EMCN: variants seen among roughly 807,000 people sequenced by gnomAD.
EMCN encodes the protein endomucin.
Under a neutral mutation model 38.4 loss-of-function variants are expected in EMCN, and 37 were observed. That is an observed-to-expected ratio of 0.96 (90% CI 0.74 to 1.27). The LOEUF (loss-of-function observed/expected upper bound fraction) is 1.27, where lower values mean the gene tolerates loss of function less well. Among genes scored for constraint, EMCN ranks in the 50% most tolerant of loss-of-function variants. The pLI is 0.00. For synonymous variants in EMCN, 95 were observed against 100.8 expected, an observed-to-expected ratio of 0.94 and a Z score of 0.35; for missense variants, 318 against 302.8, an observed-to-expected ratio of 1.05 and a Z score of -0.37.
intron 1 of EMCN, among the ~76,000 whole-genome samples, chr4:100,497,745 GA>G (rs199878204): frequency 0.026 from 3,903 of 152,140 alleles, 69 homozygotes; most frequent in Non-Finnish European, 0.041. Flanking sequence ...TAAGGAAAAT[GA>G]CAATATAAAA....
At chr4:100,497,931 TG>T (rs984272546) in intron 1 of EMCN, among the ~76,000 whole-genome samples, 2 of 152,174 alleles carry the variant, frequency 1.3e-5, no homozygotes, top group African/African-American at 4.8e-5. Context: ...GTCATTAATA[TG>T]GTATTTTATT....
intron 5 of EMCN, among the ~76,000 whole-genome samples, chr4:100,443,128 G>T (rs1014818479): frequency 6.6e-6 from 1 of 152,206 alleles, no homozygotes; most frequent in Admixed American, 6.5e-5. Flanking sequence ...GGGATCACAG[G>T]CATTAGCCAC....
At chr4:100,400,361 T>TG (rs1726223489) in intron 11 of EMCN, among the ~76,000 whole-genome samples, 1 of 151,804 alleles carries the variant, frequency 6.6e-6, no homozygotes, top group South Asian at 2.1e-4. Context: ...ACATTTTTTT[T>TG]TTTTGTTTTT....
In EMCN at chr4:100,445,503, C is replaced by T. The variant is rs116755184; in HGVS notation, c.415+2030G>A. ...ATGTGAGAACTGTGTGTGATATATT[C>T]AAAGACTGAATCCATATTTGCTTAT... On this transcript the variant is annotated intron_variant, in intron 5 of 11. Transcript: ENST00000296420. Among the ~76,000 whole-genome samples the T allele has an allele frequency of 3.5e-3, 538 of 152,086 alleles. 6 individuals are homozygous for T. Among genetic ancestry groups the T allele is most frequent in the African/African-American group, 0.012 (509 of 41,514 alleles).
intron 1 of EMCN, among the ~76,000 whole-genome samples, chr4:100,503,984 C>T (rs1243424066): frequency 6.6e-6 from 1 of 151,994 alleles, no homozygotes; most frequent in South Asian, 2.1e-4. Flanking sequence ...GGAAAAATAA[C>T]CATATGCAAA....
At chr4:100,424,126 T>C (rs547360569) in intron 5 of EMCN, among the ~76,000 whole-genome samples, 36 of 152,318 alleles carry the variant, frequency 2.4e-4, no homozygotes, top group Non-Finnish European at 4.3e-4. Context: ...AAAAATCTAC[T>C]ATTCAAAATC....
intron 1 of EMCN, among the ~76,000 whole-genome samples, chr4:100,502,080 C>T (rs1168151387): frequency 6.6e-6 from 1 of 152,168 alleles, no homozygotes; most frequent in Admixed American, 6.5e-5. Context: ...TCTTCCTTTT[C>T]ATGGCAGGAT....
At chr4:100,475,694 T>G (rs1728625893) in intron 2 of EMCN, among the ~76,000 whole-genome samples, 3 of 78,350 alleles carry the variant, frequency 3.8e-5, no homozygotes, top group South Asian at 5.1e-4. Context: ...TTTTTTTTTT[T>G]GGAGACAGAA....
chr4:100,487,299 G>A (rs1728966788), intron 1 of EMCN, among the ~76,000 whole-genome samples: 1 of 152,130 alleles, frequency 6.6e-6, no homozygotes. Context: ...TAAGATGCTG[G>A]AGCTCAGCAC....
intron 3 of EMCN, among the ~76,000 whole-genome samples, chr4:100,468,674 T>A (rs2651591): frequency 0.82 from 124,386 of 152,078 alleles, 52,278 homozygotes; most frequent in South Asian, 0.96. Context: ...ATATTTAGGA[T>A]TAAATTTAAT....
intron 10 of EMCN, among the ~76,000 whole-genome samples, chr4:100,411,521 A>G (rs1209020759): frequency 6.6e-6 from 1 of 152,180 alleles, no homozygotes; most frequent in Non-Finnish European, 1.5e-5. Flanking sequence ...TTTAATAACA[A>G]TATGATATCA....
At chr4:100,497,287 A>G (rs955353351) in intron 1 of EMCN, among the ~76,000 whole-genome samples, 1 of 151,370 alleles carries the variant, frequency 6.6e-6, no homozygotes, top group Admixed American at 6.6e-5. Context: ...TGAGCCAGTA[A>G]GTAGCAAAGT....
chr4:100,407,572 T>G (rs558548770), intron 11 of EMCN, among the ~76,000 whole-genome samples: 1 of 152,226 alleles, frequency 6.6e-6, no homozygotes, highest in South Asian at 2.1e-4. Context: ...GCTTGTAGAG[T>G]TTTGGCTGAA....
Position 100,433,878 on chromosome 4 carries a change from G to A in EMCN, c.416-10474C>T, listed in dbSNP as rs147008990. On this transcript the variant is annotated intron_variant, in intron 5 of 11. Coordinates refer to ENST00000296420, the MANE Select transcript of EMCN (RefSeq NM_016242.4). ...TTCTATAATGGCTGCACCAGTATGC[G>A]TTTCCATCAACAGTGTACAAGAGTT... Among the ~76,000 whole-genome samples, 299 of 152,116 alleles carry A rather than the reference G, an allele frequency of 2.0e-3. 8 individuals carry two copies. In the East Asian group the frequency reaches 0.034, roughly 18 times the overall value.
chr4:100,496,517 C>G lies in EMCN; in HGVS notation c.65-16478G>C, dbSNP rs141935526. Among the ~76,000 whole-genome samples, 704 of 152,094 alleles carry G rather than the reference C, an allele frequency of 4.6e-3. 12 individuals are homozygous for G. The highest frequency in any genetic ancestry group is 0.016 in the African/African-American group (677 of 41,496). ...TTACTCTTTTTCTTAAAATTACTTCCCTTTAAATGATTCAATTCAATGTTC... is the reference window on the plus strand; with the variant it reads ...TTACTCTTTTTCTTAAAATTACTTCGCTTTAAATGATTCAATTCAATGTTC... On this transcript the variant is annotated intron_variant, in intron 1 of 11. Coordinates refer to ENST00000296420, the MANE Select transcript of EMCN (RefSeq NM_016242.4).
intron 1 of EMCN, among the ~76,000 whole-genome samples, chr4:100,481,874 C>A (rs370232814): frequency 1.3e-5 from 2 of 151,198 alleles, no homozygotes; most frequent in Non-Finnish European, 3.0e-5. Flanking sequence ...TCCTTCCTTC[C>A]TTCTTCCCTT....
rs7699272 is a variant in EMCN, at chr4:100,466,808, T to G, written c.260-1269A>C. 9.0e-3 allele frequency among the ~76,000 whole-genome samples: 1,369 copies of G among 152,264 alleles called. 17 individuals are homozygous for G. The highest frequency in any genetic ancestry group is 0.031 in the African/African-American group (1,304 of 41,530). On this transcript the variant is annotated intron_variant, in intron 3 of 11. Coordinates refer to ENST00000296420, the MANE Select transcript of EMCN (RefSeq NM_016242.4). ...TGGAGGAACTCCTGGGGGTAAAGAT[T>G]TTGCTTCCCACTGGAATTCCAACAT... is the stretch of plus-strand genomic sequence containing the variant.
chr4:100,410,231 A>G, intron 11 of EMCN, 51 bp downstream of exon 11: 1 of 1,254,950 alleles, frequency 8.0e-7, no homozygotes, highest in South Asian at 1.2e-5. Flanking sequence ...GCACCAGGCT[A>G]ACAAAACAGA....
At chr4:100,488,605 C>A (rs374455636) in intron 1 of EMCN, among the ~76,000 whole-genome samples, 3 of 152,096 alleles carry the variant, frequency 2.0e-5, no homozygotes, top group Non-Finnish European at 2.9e-5. Context: ...ATATTCAATA[C>A]GTTAGCTAAT....
Sources: allele counts gnomAD v4.1 joint callset (sites outside exome capture counted in the v4.1 genomes callset), GRCh38; gene constraint gnomAD v4.1.1; transcripts MANE v1.5; gene names NCBI Gene and HGNC (gene_info 2026-07-23, HGNC 2026-07-21).